Variants in PRSS38 observed in about 807,000 individuals in gnomAD.
PRSS38 encodes marapsin 2.
A neutral mutation model predicts 26.8 loss-of-function variants in PRSS38; 22 were observed. The observed-to-expected ratio is 0.82, with a 90% CI of 0.59 to 1.17. The LOEUF (loss-of-function observed/expected upper bound fraction) is 1.17. Ranked by LOEUF, PRSS38 falls within the 50% of genes most tolerant of loss-of-function variation. The probability of loss-of-function intolerance (pLI) is 0.00; values close to 1 mark genes in which losing one functional copy is unlikely to be tolerated. For synonymous variants in PRSS38, 175 were observed against 172.1 expected, an observed-to-expected ratio of 1.02 and a Z score of -0.13; for missense variants, 427 against 422.7, an observed-to-expected ratio of 1.01 and a Z score of -0.09.
At chr1:227,828,430 T>A (rs760553505) in intron 3 of PRSS38, among the ~76,000 whole-genome samples, 7 of 152,224 alleles carry the variant, frequency 4.6e-5, no homozygotes, top group Non-Finnish European at 1.0e-4. Flanking sequence ...CCCTTTACTA[T>A]TACTTGGGTC....
intron 3 of PRSS38, among the ~76,000 whole-genome samples, chr1:227,818,472 A>G (rs1440725986): frequency 6.6e-6 from 1 of 151,998 alleles, no homozygotes; most frequent in Non-Finnish European, 1.5e-5. Flanking sequence ...TGAGCCCAGG[A>G]GTTTGAGACC....
intron 3 of PRSS38, among the ~76,000 whole-genome samples, chr1:227,823,415 T>C (rs1665029557): frequency 6.6e-6 from 1 of 152,122 alleles, no homozygotes; most frequent in Non-Finnish European, 1.5e-5. Context: ...TTCTATTTTT[T>C]TTCTTTTTTG....
intron 3 of PRSS38, among the ~76,000 whole-genome samples, chr1:227,824,261 C>T (rs1665041070): frequency 6.6e-6 from 1 of 152,134 alleles, no homozygotes. Flanking sequence ...GTTGTTTCCC[C>T]ACTCCCTGTG....
exon 1 of PRSS38, chr1:227,815,855 G>A: frequency 6.2e-7 from 1 of 1,606,420 alleles, no homozygotes; most frequent in Non-Finnish European, 8.5e-7. Context: ...CTCCCTAACT[G>A]GCAGCGTGGG....
At chr1:227,820,246 A>T (rs950112028) in intron 3 of PRSS38, among the ~76,000 whole-genome samples, 4 of 151,640 alleles carry the variant, frequency 2.6e-5, no homozygotes, top group Non-Finnish European at 5.9e-5. Flanking sequence ...CATGTCATCT[A>T]TGAATAGAGA....
intron 3 of PRSS38, among the ~76,000 whole-genome samples, chr1:227,824,729 T>C (rs1471874262): frequency 6.6e-6 from 1 of 152,178 alleles, no homozygotes; most frequent in Non-Finnish European, 1.5e-5. Context: ...CTCACCAGCA[T>C]CTGTTGTTTC....
chr1:227,820,242 A>G (rs1455382084), intron 3 of PRSS38, among the ~76,000 whole-genome samples: 1 of 151,538 alleles, frequency 6.6e-6, no homozygotes, highest in African/African-American at 2.4e-5. Context: ...GGATCATGTC[A>G]TCTATGAATA....
At chr1:227,839,187 C>G (rs1181879109) in intron 3 of PRSS38, among the ~76,000 whole-genome samples, 1 of 152,134 alleles carries the variant, frequency 6.6e-6, no homozygotes, top group African/African-American at 2.4e-5. Context: ...GAGCCAGGTG[C>G]AGTGGTTCAA....
chr1:227,837,944 T>C (rs981201786), intron 3 of PRSS38, among the ~76,000 whole-genome samples: 8 of 152,098 alleles, frequency 5.3e-5, no homozygotes, highest in Non-Finnish European at 7.4e-5. Context: ...TTTTTAGAGA[T>C]GGGGTCTTGC....
At chr1:227,843,279 T>A (rs189564320) in intron 3 of PRSS38, among the ~76,000 whole-genome samples, 1 of 152,214 alleles carries the variant, frequency 6.6e-6, no homozygotes, top group Non-Finnish European at 1.5e-5. Flanking sequence ...TCATATTTAT[T>A]TGGGTCACTT....
chr1:227,826,706 C>T (rs143070262), intron 3 of PRSS38, among the ~76,000 whole-genome samples: 16 of 151,656 alleles, frequency 1.1e-4, no homozygotes, highest in Non-Finnish European at 1.9e-4. Flanking sequence ...ACAGAGTGAA[C>T]CTCCATCTCA....
At chr1:227,827,291 A>G (rs1433508198) in intron 3 of PRSS38, among the ~76,000 whole-genome samples, 1 of 152,174 alleles carries the variant, frequency 6.6e-6, no homozygotes, top group African/African-American at 2.4e-5. Flanking sequence ...GTAGAATTCA[A>G]CTGCAAATCC....
chr1:227,819,450 C>T (rs1436550997), intron 3 of PRSS38, among the ~76,000 whole-genome samples: 1 of 152,088 alleles, frequency 6.6e-6, no homozygotes, highest in African/African-American at 2.4e-5. Flanking sequence ...AGTATGTGCA[C>T]CCTATTTTGA....
rs1428701908 is a variant in PRSS38, at chr1:227,816,547, T to C, written c.311+295T>C. Among the ~76,000 whole-genome samples, 1 of 151,004 alleles carries C rather than the reference T, an allele frequency of 6.6e-6. No individual in the cohort carries two copies. The highest frequency in any genetic ancestry group is 1.5e-5 in the Non-Finnish European group (1 of 67,776). On this transcript the variant is annotated intron_variant, in intron 2 of 4. Coordinates refer to ENST00000366757, the Ensembl canonical transcript of PRSS38. The surrounding 1 kb of genome is among the most constrained non-coding windows in gnomAD (Gnocchi z 5.1). ...AAGGCTGATCCCCTAAGTGTACAGTTAGGTTCCCATGAGCTAGGTTGGTCC... is the reference window on the plus strand; with the variant it reads ...AAGGCTGATCCCCTAAGTGTACAGTCAGGTTCCCATGAGCTAGGTTGGTCC...
intron 3 of PRSS38, among the ~76,000 whole-genome samples, chr1:227,824,866 T>C (rs1287850381): frequency 6.6e-6 from 1 of 152,202 alleles, no homozygotes; most frequent in Non-Finnish European, 1.5e-5. Context: ...ATGTATGTCT[T>C]CTTTTGAGAA....
intron 3 of PRSS38, among the ~76,000 whole-genome samples, chr1:227,841,115 C>A (rs1572090839): frequency 6.6e-6 from 1 of 152,364 alleles, no homozygotes; most frequent in African/African-American, 2.4e-5. Context: ...CTTTACTGAG[C>A]TCAGGCAGTT....
chr1:227,823,462 T>C (rs1444976688), intron 3 of PRSS38, among the ~76,000 whole-genome samples: 1 of 152,182 alleles, frequency 6.6e-6, no homozygotes, highest in Non-Finnish European at 1.5e-5. Context: ...AGGTTGGTTC[T>C]ATATTGACAT....
At chr1:227,832,087 GT>G (rs1287964842) in intron 3 of PRSS38, among the ~76,000 whole-genome samples, 1 of 152,082 alleles carries the variant, frequency 6.6e-6, no homozygotes, top group Non-Finnish European at 1.5e-5. Flanking sequence ...TTTAAAGTCT[GT>G]TTTGTCTGAT....
At position 227,816,279 on chromosome 1, in the gene PRSS38, G is replaced by A; in HGVS notation, c.311+27G>A. ...TAAGCGGGCGCCGGCCTGGGATGGTGTGGGTAGCTGGGCCTGCACGGAGTG... is the reference window on the plus strand; with the variant it reads ...TAAGCGGGCGCCGGCCTGGGATGGTATGGGTAGCTGGGCCTGCACGGAGTG... On this transcript the variant is annotated intron_variant, in intron 2 of 4. Transcript: ENST00000366757. This position sits in a 1 kb window ranked among gnomAD's most constrained non-coding sequence, Gnocchi z 5.1. 1 of 1,598,422 alleles carries A rather than the reference G, an allele frequency of 6.3e-7. No individual in the cohort carries two copies.
Sources: gnomAD v4.1 joint callset for allele counts (sites outside exome capture counted in the v4.1 genomes callset) on GRCh38, gnomAD v4.1.1 for gene constraint, Gnocchi (gnomAD v3.1) non-coding constraint, MANE v1.5 for transcripts, NCBI Gene and HGNC (gene_info 2026-07-23, HGNC 2026-07-21) for gene names.